Variants in PACSIN1 observed in about 807,000 individuals in gnomAD.
PACSIN1 encodes the protein protein kinase C and casein kinase substrate in neurons 1.
Under a neutral mutation model 59.5 loss-of-function variants are expected in PACSIN1, and 15 were observed. That is an observed-to-expected ratio of 0.25 (90% CI 0.17 to 0.39). PACSIN1 has a LOEUF of 0.39. PACSIN1 is among the 10% of genes least tolerant of loss of function. The pLI, the probability that PACSIN1 is intolerant of heterozygous loss-of-function variation, is 1.00. For missense variants in PACSIN1, 420 were observed against 580.2 expected, an observed-to-expected ratio of 0.72 and a Z score of 2.84; for synonymous variants, 210 against 220.6, an observed-to-expected ratio of 0.95 and a Z score of 0.42.
At chr6:34,507,829 T>A (rs182805223) in intron 1 of PACSIN1, among the ~76,000 whole-genome samples, 2 of 152,362 alleles carry the variant, frequency 1.3e-5, no homozygotes, top group Admixed American at 1.3e-4. Context: ...CTGACTTATT[T>A]AAGTTATCAT....
chr6:34,473,788 C>G (rs1277282502), intron 1 of PACSIN1, among the ~76,000 whole-genome samples: 1 of 152,188 alleles, frequency 6.6e-6, no homozygotes, highest in Non-Finnish European at 1.5e-5. Context: ...CAGTCATATA[C>G]TCATGGCTTA....
intron 1 of PACSIN1, among the ~76,000 whole-genome samples, chr6:34,474,995 C>T (rs1561954755): frequency 2.0e-5 from 3 of 152,158 alleles, no homozygotes; most frequent in Admixed American, 6.5e-5. Context: ...CTACATGGCT[C>T]ATGATGTTCA....
intron 1 of PACSIN1, among the ~76,000 whole-genome samples, chr6:34,499,220 A>T (rs1332930928): frequency 6.6e-6 from 1 of 151,816 alleles, no homozygotes; most frequent in Non-Finnish European, 1.5e-5. Flanking sequence ...CCTCGCATTC[A>T]CAAGTTCACA....
chr6:34,526,446 C>T (rs1767483525), intron 2 of PACSIN1, 78 bp downstream of exon 2: 1 of 1,229,498 alleles, frequency 8.1e-7, no homozygotes, highest in East Asian at 2.4e-5. Context: ...ATCACTCACC[C>T]CATGACCTCA....
At chr6:34,522,700 G>A (rs1427206307) in intron 1 of PACSIN1, among the ~76,000 whole-genome samples, 1 of 152,210 alleles carries the variant, frequency 6.6e-6, no homozygotes, top group Non-Finnish European at 1.5e-5. Context: ...CCGGTACCAT[G>A]GCTCCAGGTC....
chr6:34,523,708 G>A (rs1175021863), intron 1 of PACSIN1, among the ~76,000 whole-genome samples: 1 of 152,224 alleles, frequency 6.6e-6, no homozygotes, highest in Non-Finnish European at 1.5e-5. Context: ...GGTACCGACT[G>A]CCCTTCAGGA....
At chr6:34,474,851 C>A (rs1322457978) in intron 1 of PACSIN1, among the ~76,000 whole-genome samples, 1 of 151,152 alleles carries the variant, frequency 6.6e-6, no homozygotes, top group East Asian at 1.9e-4. Context: ...GATCCGGCTG[C>A]CCAATACCTC....
intron 1 of PACSIN1, among the ~76,000 whole-genome samples, chr6:34,507,546 T>C (rs548308668): frequency 6.6e-6 from 1 of 151,584 alleles, no homozygotes; most frequent in African/African-American, 2.4e-5. Flanking sequence ...AAAAAACTTT[T>C]ATTGTAAAAA....
intron 1 of PACSIN1, among the ~76,000 whole-genome samples, chr6:34,468,426 A>C (rs1766527207): frequency 6.6e-6 from 1 of 152,196 alleles, no homozygotes. Context: ...TCAGTCATTC[A>C]ATCATTCATT....
At position 34,466,190 on chromosome 6, in the gene PACSIN1, CGGCCGGGCTTGA is replaced by C. The variant is rs1210447829; in HGVS notation, c.-135_-124del. 1.3e-5 allele frequency: 2 copies of C among 152,246 alleles called. No individual in the cohort carries two copies. The highest frequency in any genetic ancestry group is 2.9e-5 in the Non-Finnish European group (2 of 68,096). 9.4% of individuals were successfully genotyped at this position (152,246 alleles called of 1,614,324 possible). A position where few individuals can be genotyped will look rare whatever the true frequency, so the allele number is the denominator to read the frequency against. On this transcript the variant is annotated 5_prime_UTR_variant, in exon 1 of 10. Coordinates refer to ENST00000244458, the MANE Select transcript of PACSIN1 (RefSeq NM_020804.5). ...CCAGCCCCCTCCTCCCCCGGGAAGT[CGGCCGGGCTTGA>C]GGCCGGGCCCCAGACGTCCCGCTTC...
rs79553728 is a variant in PACSIN1, at chr6:34,476,150, C to G, written c.-64+9880C>G. 4.8e-3 allele frequency among the ~76,000 whole-genome samples: 726 copies of G among 152,294 alleles called. 4 individuals are homozygous for G. The highest frequency in any genetic ancestry group is 0.016 in the African/African-American group (653 of 41,554). On this transcript the variant is annotated intron_variant, in intron 1 of 9. Coordinates refer to ENST00000244458, the MANE Select transcript of PACSIN1 (RefSeq NM_020804.5). ...GGATCTGCCCAGTATTTAGCCGCCA[C>G]CACCGTGGTTACCCCTACTGAGCCC...
At chr6:34,480,677 T>TA (rs35404476) in intron 1 of PACSIN1, among the ~76,000 whole-genome samples, 4 of 152,170 alleles carry the variant, frequency 2.6e-5, no homozygotes, top group Admixed American at 1.3e-4. Context: ...AAAAGTACTT[T>TA]AAAAAAAGTT....
At position 34,531,983 on chromosome 6, in the gene PACSIN1, T is replaced by C. The variant is rs1767605069; in HGVS notation, c.1225+196T>C. ...CAGGGGTGGTGCCTGAAAGAGAGGCTTGGGCCTGCATTGGGTGTGTGGTGG... is the reference window on the plus strand; with the variant it reads ...CAGGGGTGGTGCCTGAAAGAGAGGCCTGGGCCTGCATTGGGTGTGTGGTGG... On this transcript the variant is annotated intron_variant, in intron 9 of 9. Transcript: ENST00000244458. This position sits in a 1 kb window ranked among gnomAD's most constrained non-coding sequence, Gnocchi z 4.4. Among the ~76,000 whole-genome samples the C allele has an allele frequency of 6.6e-6, 1 of 151,688 alleles. No homozygotes were observed. Among genetic ancestry groups the C allele is most frequent in the African/African-American group, 2.4e-5 (1 of 41,250 alleles).
At position 34,469,591 on chromosome 6, in the gene PACSIN1, T is replaced by C. The variant is rs1221676545; in HGVS notation, c.-64+3321T>C. ...GGGTGCCCTGGGGCTAGAGTGGCCTTTCAGGTCATGTCCATTTGCCTGTGA... is the reference window on the plus strand; with the variant it reads ...GGGTGCCCTGGGGCTAGAGTGGCCTCTCAGGTCATGTCCATTTGCCTGTGA... On this transcript the variant is annotated intron_variant, in intron 1 of 9. Coordinates refer to ENST00000244458, the MANE Select transcript of PACSIN1 (RefSeq NM_020804.5). Among the ~76,000 whole-genome samples, 3 of 152,220 alleles carry C rather than the reference T, an allele frequency of 2.0e-5. No homozygotes were observed. The East Asian group carries it at 5.8e-4, about 29-fold the overall frequency.
Position 34,527,186 on chromosome 6 carries a change from C to CG in PACSIN1, c.64-140dup, listed in dbSNP as rs1194069808. 157 of 664,848 alleles carry CG rather than the reference C, an allele frequency of 2.4e-4. 1 individual carries two copies. The highest frequency in any genetic ancestry group is 1.2e-3 in the Admixed American group (10 of 8,318). The allele number at this position is 664,848 out of a possible 1,614,324, so 41.2% of individuals were successfully genotyped here. ...GGGGTGTTGCCGCTGCGCCGCGGGG[C>CG]GGGGGGCGGGGGCGGGGGCGGGGAC... On this transcript the variant is annotated intron_variant, in intron 2 of 9. Transcript: ENST00000244458.
chr6:34,520,976 C>A (rs1468529079), intron 1 of PACSIN1, among the ~76,000 whole-genome samples: 1 of 152,212 alleles, frequency 6.6e-6, no homozygotes, highest in African/African-American at 2.4e-5. Flanking sequence ...GAAAATTCAT[C>A]ATTTCTGCTG....
chr6:34,529,876 A>C lies in PACSIN1; in HGVS notation c.788+35A>C. The C allele has an allele frequency of 1.2e-6, 2 of 1,601,062 alleles. No homozygotes were observed. The highest frequency in any genetic ancestry group is 1.7e-6 in the Non-Finnish European group (2 of 1,173,038). On this transcript the variant is annotated intron_variant, in intron 6 of 9. Transcript: ENST00000244458. The surrounding 1 kb of genome is among the most constrained non-coding windows in gnomAD (Gnocchi z 6.3). ...CATGGCAGGCACCGAGGGCACAGGC[A>C]CAGCCAGCAGATGGTGTGACTGGCA...
chr6:34,528,883 C>A lies in PACSIN1; in HGVS notation c.456+6C>A. 1 of 1,094,038 alleles carries A rather than the reference C, an allele frequency of 9.1e-7. No homozygotes were observed. The highest frequency in any genetic ancestry group is 1.3e-6 in the Non-Finnish European group (1 of 779,106). The allele number at this position is 1,094,038 out of a possible 1,614,324, so 67.8% of individuals were successfully genotyped here. Reference sequence around the variant, plus strand: ...GGGCCAAGAAGATGAAGGAGGTGCTCAGTGGGTGCTGCCACGGGCGGGGTG... The same window carrying A: ...GGGCCAAGAAGATGAAGGAGGTGCTAAGTGGGTGCTGCCACGGGCGGGGTG... On this transcript the variant is annotated splice_donor_region_variant and intron_variant, in intron 4 of 9. Transcript: ENST00000244458.
intron 1 of PACSIN1, among the ~76,000 whole-genome samples, chr6:34,504,274 A>G (rs62398686): frequency 0.42 from 46,480 of 109,750 alleles, 9,223 homozygotes; most frequent in Middle Eastern, 0.53. Context: ...GTGTGTGTAT[A>G]TATATATATA....
Sources: gnomAD v4.1 joint callset for allele counts (sites outside exome capture counted in the v4.1 genomes callset) on GRCh38, gnomAD v4.1.1 for gene constraint, Gnocchi (gnomAD v3.1) non-coding constraint, MANE v1.5 for transcripts, NCBI Gene and HGNC (gene_info 2026-07-23, HGNC 2026-07-21) for gene names.